Variants in DGKB observed in about 807,000 individuals in gnomAD.
DGKB encodes diacylglycerol kinase beta.
DGKB carries 67 observed loss-of-function variants against 114.3 expected under a neutral mutation model. The observed-to-expected ratio is 0.59, with a 90% CI of 0.48 to 0.72. The LOEUF (loss-of-function observed/expected upper bound fraction) is 0.72, where lower values mean the gene tolerates loss of function less well. Among genes scored for constraint, DGKB ranks in the 30% least tolerant of loss-of-function variants. DGKB has a pLI of 0.00. For missense variants in DGKB, 907 were observed against 975.2 expected, an observed-to-expected ratio of 0.93 and a Z score of 0.93; for synonymous variants, 398 against 323.1, an observed-to-expected ratio of 1.23 and a Z score of -2.49.
At chr7:14,508,211 A>G (rs1238821990) in intron 20 of DGKB, among the ~76,000 whole-genome samples, 2 of 152,354 alleles carry the variant, frequency 1.3e-5, no homozygotes, top group East Asian at 3.9e-4. Context: ...CTGAGACTAA[A>G]TACTGTTAGC....
rs144194798 is a variant in DGKB, at chr7:14,782,102, G to T, written c.71-24371C>A. Among the ~76,000 whole-genome samples, 365 of 151,368 alleles carry T rather than the reference G, an allele frequency of 2.4e-3. 4 individuals are homozygous for T. Among genetic ancestry groups the T allele is most frequent in the African/African-American group, 8.2e-3 (338 of 41,224 alleles). On this transcript the variant is annotated intron_variant, in intron 2 of 25. Transcript: ENST00000402815. ...TGCAGTGGTGAGATCTCGGCTCACT[G>T]CAACCTCTCCCTCTCAGGCTCAAGC...
intron 1 of DGKB, among the ~76,000 whole-genome samples, chr7:14,868,651 T>A (rs962668076): frequency 2.0e-5 from 3 of 152,120 alleles, no homozygotes; most frequent in Non-Finnish European, 2.9e-5. Flanking sequence ...TCCCTTTAAC[T>A]CTCCCCATCA....
At chr7:14,966,501 A>C in intron 1 of DGKB, among the ~76,000 whole-genome samples, 1 of 151,976 alleles carries the variant, frequency 6.6e-6, no homozygotes, top group South Asian at 2.1e-4. Context: ...GGGTCTCACC[A>C]TGTCGCCCAG....
At chr7:14,272,918 A>T (rs1366643875) in intron 23 of DGKB, among the ~76,000 whole-genome samples, 1 of 152,242 alleles carries the variant, frequency 6.6e-6, no homozygotes, top group Non-Finnish European at 1.5e-5. Flanking sequence ...AGACTAGAGA[A>T]TCTATTTGGG....
At chr7:14,590,184 G>A (rs910317754) in intron 17 of DGKB, among the ~76,000 whole-genome samples, 1 of 150,844 alleles carries the variant, frequency 6.6e-6, no homozygotes, top group African/African-American at 2.4e-5. Flanking sequence ...ACATTAAAGA[G>A]AAAAGTCTTA....
intron 4 of DGKB, among the ~76,000 whole-genome samples, chr7:14,736,885 A>C (rs1831803547): frequency 6.6e-6 from 1 of 152,198 alleles, no homozygotes; most frequent in Admixed American, 6.5e-5. Flanking sequence ...ATGGAAGACA[A>C]CTTCCAACCT....
chr7:14,704,802 A>G, intron 6 of DGKB, among the ~76,000 whole-genome samples: 1 of 152,130 alleles, frequency 6.6e-6, no homozygotes, highest in South Asian at 2.1e-4. Flanking sequence ...GGACATCCAC[A>G]CCAAAAACCC....
intron 1 of DGKB, among the ~76,000 whole-genome samples, chr7:14,919,081 C>A (rs992182788): frequency 3.5e-4 from 46 of 130,280 alleles, no homozygotes; most frequent in African/African-American, 1.1e-3. Context: ...CACACACACA[C>A]ACACACACAC....
chr7:14,541,416 C>T (rs1793425000), intron 20 of DGKB, among the ~76,000 whole-genome samples: 1 of 152,104 alleles, frequency 6.6e-6, no homozygotes, highest in African/African-American at 2.4e-5. Flanking sequence ...TCTCACGTAG[C>T]ACAGCAAATG....
Position 14,493,930 on chromosome 7 carries a change from ACACAC to A in DGKB, c.1771-15710_1771-15706del, listed in dbSNP as rs1563318152. Among the ~76,000 whole-genome samples, 223 of 144,270 alleles carry A rather than the reference ACACAC, an allele frequency of 1.5e-3. 2 individuals are homozygous for A. Among genetic ancestry groups the A allele is most frequent in the African/African-American group, 5.9e-3 (213 of 35,846 alleles). The allele number at this position is 144,270 out of a possible 152,430, so 94.6% of individuals were successfully genotyped here. A position where few individuals can be genotyped will look rare whatever the true frequency, so the allele number is the denominator to read the frequency against. ...CCATGGCTATCATGGTATCATACAC[ACACAC>A]ACACACACACACACACACACACACA... is the stretch of plus-strand genomic sequence containing the variant. On this transcript the variant is annotated intron_variant, in intron 20 of 25. Transcript: ENST00000402815.
intron 1 of DGKB, among the ~76,000 whole-genome samples, chr7:14,954,931 G>A (rs750590586): frequency 6.6e-6 from 1 of 151,800 alleles, no homozygotes; most frequent in Non-Finnish European, 1.5e-5. Context: ...ACTATAGATA[G>A]AGCATACAAA....
At chr7:14,635,467 G>C (rs949383102) in intron 13 of DGKB, among the ~76,000 whole-genome samples, 2 of 151,286 alleles carry the variant, frequency 1.3e-5, no homozygotes, top group Non-Finnish European at 1.5e-5. Context: ...TTCTCTCTCT[G>C]TTGTTTTCCT....
chr7:14,528,377 C>T (rs1003376394), intron 20 of DGKB, among the ~76,000 whole-genome samples: 1 of 152,000 alleles, frequency 6.6e-6, no homozygotes, highest in East Asian at 1.9e-4. Context: ...TGAATGTCTA[C>T]AATAATTGCT....
chr7:14,661,195 T>C (rs1445612639), intron 13 of DGKB, among the ~76,000 whole-genome samples: 1 of 151,026 alleles, frequency 6.6e-6, no homozygotes, highest in Non-Finnish European at 1.5e-5. Flanking sequence ...AAAGCCAAAA[T>C]TGACAAATGG....
intron 4 of DGKB, among the ~76,000 whole-genome samples, chr7:14,753,716 C>CGGCTCCT (rs1346359812): frequency 1.4e-4 from 21 of 152,138 alleles, no homozygotes; most frequent in African/African-American, 5.1e-4. Context: ...ATTAAGGTAC[C>CGGCTCCT]AGCTCCTATT....
intron 2 of DGKB, among the ~76,000 whole-genome samples, chr7:14,794,336 C>T (rs1289832826): frequency 1.3e-5 from 2 of 152,098 alleles, no homozygotes; most frequent in African/African-American, 4.8e-5. Flanking sequence ...TAGACTAGGG[C>T]CTAAAATTTT....
intron 21 of DGKB, among the ~76,000 whole-genome samples, chr7:14,371,985 G>A (rs79249822): frequency 0.017 from 2,523 of 152,256 alleles, 52 homozygotes; most frequent in South Asian, 0.098. Flanking sequence ...GACTTTGTAT[G>A]CACCTGGATT....
At chr7:14,689,733 C>A (rs1279793512) in intron 9 of DGKB, among the ~76,000 whole-genome samples, 2 of 152,090 alleles carry the variant, frequency 1.3e-5, no homozygotes, top group African/African-American at 4.8e-5. Context: ...CTACATTGAG[C>A]AAAGTATAGA....
intron 21 of DGKB, among the ~76,000 whole-genome samples, chr7:14,473,418 G>A (rs1023870483): frequency 2.6e-5 from 4 of 152,188 alleles, no homozygotes; most frequent in African/African-American, 7.2e-5. Flanking sequence ...GTATGGAAAC[G>A]CCTGGATGCC....
Sources: gnomAD v4.1 joint callset for allele counts (sites outside exome capture counted in the v4.1 genomes callset) on GRCh38, gnomAD v4.1.1 for gene constraint, MANE v1.5 for transcripts, NCBI Gene and HGNC (gene_info 2026-07-23, HGNC 2026-07-21) for gene names.